The following DYNC2I1 variants were observed in gnomAD, a reference collection of about 807,000 sequenced individuals.
DYNC2I1 encodes the protein dynein 2 intermediate chain 1.
DYNC2I1 carries 89 observed loss-of-function variants against 133.4 expected under a neutral mutation model. That is an observed-to-expected ratio of 0.67 (90% CI 0.56 to 0.80). The LOEUF (loss-of-function observed/expected upper bound fraction) is 0.80. Ranked by LOEUF, DYNC2I1 falls within the 30% of genes least tolerant of loss-of-function variation. The probability of loss-of-function intolerance (pLI) is 0.00; values close to 1 mark genes in which losing one functional copy is unlikely to be tolerated. For missense variants in DYNC2I1, 1,291 were observed against 1,314.5 expected, an observed-to-expected ratio of 0.98 and a Z score of 0.28; for synonymous variants, 504 against 484.3, an observed-to-expected ratio of 1.04 and a Z score of -0.54.
At chr7:158,889,692 A>AAAC (rs149391972) in intron 7 of DYNC2I1, among the ~76,000 whole-genome samples, 102 of 151,992 alleles carry the variant, frequency 6.7e-4, no homozygotes, top group Non-Finnish European at 1.1e-3. Context: ...ATCTATATAA[A>AAAC]AACAACAACA....
intron 12 of DYNC2I1, 46 bp downstream of exon 12, chr7:158,911,725 C>T: frequency 1.3e-6 from 2 of 1,563,948 alleles, no homozygotes; most frequent in Non-Finnish European, 1.7e-6. Context: ...CAAGTAAAGT[C>T]TAGTAGGATA....
Position 158,923,669 on chromosome 7 carries a change from G to A in DYNC2I1, c.2193G>A (p.Arg731=), listed in dbSNP as rs1011573396. The change falls in exon 17 of 25, where the codon AGG becomes AGA. Residue 731 remains arginine (R), a synonymous_variant. Coordinates refer to ENST00000407559, the MANE Select transcript of DYNC2I1 (RefSeq NM_018051.5). ...TCTGGGATTTGAGAGAAGACTCAAG[G>A]CTGCATTACTCTGTGACGCTGAGCG... ...VVVWDLREDS[R]LHYSVTLSDG... is the part of the protein sequence containing the mutation. 6.2e-7 allele frequency: 1 copy of A among 1,613,992 alleles called. No homozygotes were observed. The highest frequency in any genetic ancestry group is 8.5e-7 in the Non-Finnish European group (1 of 1,179,894).
In DYNC2I1 at chr7:158,871,562, G is replaced by T; in HGVS notation, c.490G>T (p.Val164Leu). The T allele has an allele frequency of 1.3e-6, 2 of 1,531,128 alleles. No individual in the cohort carries two copies. Among genetic ancestry groups the T allele is most frequent in the Non-Finnish European group, 1.7e-6 (2 of 1,143,726 alleles). 94.8% of individuals were successfully genotyped at this position (1,531,128 alleles called of 1,614,324 possible). Residue 164 changes from valine (V) to leucine (L), a missense_variant and splice_region_variant, in exon 3 of 25, where the codon GTA becomes TTA. Coordinates refer to ENST00000407559, the MANE Select transcript of DYNC2I1 (RefSeq NM_018051.5). The part of the protein sequence containing the change: ...LERAERKGRS[V>L]SKVRSEEKDE... ...GCGGGCGGAGAGGAAAGGCCGCTCAGGTGGGTCCCCGCTTGCCTTCCTGTG... is the reference window on the plus strand; with the variant it reads ...GCGGGCGGAGAGGAAAGGCCGCTCATGTGGGTCCCCGCTTGCCTTCCTGTG...
intron 14 of DYNC2I1, 102 bp from the exon 15 acceptor site, chr7:158,918,638 C>G: frequency 7.5e-7 from 1 of 1,327,592 alleles, no homozygotes; most frequent in Non-Finnish European, 1.1e-6. Flanking sequence ...TGGATCTAAG[C>G]AGTTATTTGC....
chr7:158,948,462 G>C (rs1851955181), downstream of DYNC2I1, among the ~76,000 whole-genome samples: 1 of 152,352 alleles, frequency 6.6e-6, no homozygotes. Flanking sequence ...CCTCACGTGT[G>C]GTTATTTGTG....
the DYNC2I1 span, among the ~76,000 whole-genome samples, chr7:158,845,176 G>A: frequency 6.6e-6 from 1 of 152,078 alleles, no homozygotes; most frequent in Non-Finnish European, 1.5e-5. Flanking sequence ...TTACAAACCA[G>A]TAAGTTTGTA....
chr7:158,886,727 C>T (rs1343054764), intron 6 of DYNC2I1, among the ~76,000 whole-genome samples: 1 of 152,104 alleles, frequency 6.6e-6, no homozygotes, highest in Non-Finnish European at 1.5e-5. Flanking sequence ...CCTCAGCCTC[C>T]CAAGTAGCTG....
At chr7:158,887,174 G>T in intron 7 of DYNC2I1, 99 bp downstream of exon 7, 1 of 1,195,508 alleles carries the variant, frequency 8.4e-7, no homozygotes, top group South Asian at 1.3e-5. Context: ...GGCCGAGACA[G>T]GGCTCATTTG....
At chr7:158,882,267 A>G (rs934919766) in intron 5 of DYNC2I1, among the ~76,000 whole-genome samples, 1 of 152,120 alleles carries the variant, frequency 6.6e-6, no homozygotes. Context: ...AAGCCATAGG[A>G]TAAAGAACTA....
chr7:158,879,915 G>C lies in DYNC2I1; in HGVS notation c.805G>C (p.Asp269His), dbSNP rs1369574339. Residue 269 changes from aspartate (D) to histidine (H), a missense_variant, in exon 5 of 25, where the codon GAT becomes CAT. Transcript: ENST00000407559. ...ACACAAAGAAGGTTTTCATTTTGAT[G>C]ATGAGAGGCACCAAAGCAACGTGGA... Reference protein sequence around the residue: ...KRHKEGFHFDDERHQSNVDRK... With the variant: ...KRHKEGFHFDHERHQSNVDRK... 3 of 1,612,730 alleles carry C rather than the reference G, an allele frequency of 1.9e-6. No individual in the cohort carries two copies. The highest frequency in any genetic ancestry group is 2.5e-6 in the Non-Finnish European group (3 of 1,179,614).
the DYNC2I1 span, among the ~76,000 whole-genome samples, chr7:158,848,992 A>G: frequency 2.0e-5 from 3 of 152,204 alleles, no homozygotes; most frequent in Non-Finnish European, 4.4e-5. Flanking sequence ...GGCCCACACA[A>G]GTCTTCTGTA....
chr7:158,879,997 T>G lies in DYNC2I1; in HGVS notation c.879+8T>G. On this transcript the variant is annotated splice_region_variant and intron_variant, in intron 5 of 24. Transcript: ENST00000407559. ...AGGAAAAGGGAATCCCAGGTACCCC[T>G]TCTGATGCTTCGTTGCCTTAGCAGC... 1.3e-6 allele frequency: 2 copies of G among 1,575,062 alleles called. No homozygotes were observed. Among genetic ancestry groups the G allele is most frequent in the Non-Finnish European group, 1.7e-6 (2 of 1,165,884 alleles).
chr7:158,906,298 T>A (rs1006490444), intron 11 of DYNC2I1, among the ~76,000 whole-genome samples: 1 of 152,180 alleles, frequency 6.6e-6, no homozygotes, highest in African/African-American at 2.4e-5. Context: ...TGATGTTGGA[T>A]GTTTGTTCTT....
At chr7:158,943,909 C>G (rs993905585) in intron 24 of DYNC2I1, among the ~76,000 whole-genome samples, 2 of 152,160 alleles carry the variant, frequency 1.3e-5, no homozygotes, top group African/African-American at 4.8e-5. Context: ...GAGGCGGCAG[C>G]CCGGCCCACG....
chr7:158,850,055 G>C, the DYNC2I1 span, among the ~76,000 whole-genome samples: 1 of 152,212 alleles, frequency 6.6e-6, no homozygotes, highest in African/African-American at 2.4e-5. Flanking sequence ...ATTGGAGCAG[G>C]CGCTAGGAGC....
At chr7:158,953,629 G>A (rs536646824) in intron 4 of DYNC2I1, among the ~76,000 whole-genome samples, 2 of 152,152 alleles carry the variant, frequency 1.3e-5, no homozygotes, top group Non-Finnish European at 2.9e-5. Context: ...CACACCTCTA[G>A]TCCCAGCTAC....
chr7:158,874,779 T>G (rs1326377216), intron 3 of DYNC2I1, among the ~76,000 whole-genome samples: 1 of 152,220 alleles, frequency 6.6e-6, no homozygotes, highest in Non-Finnish European at 1.5e-5. Context: ...CAGCTGGGCA[T>G]CATCCCTGAA....
At chr7:158,897,530 G>A (rs997209502) in intron 8 of DYNC2I1, among the ~76,000 whole-genome samples, 2 of 152,180 alleles carry the variant, frequency 1.3e-5, no homozygotes, top group African/African-American at 2.4e-5. Flanking sequence ...TATGGGCATA[G>A]AGCTGTTCAT....
At position 158,909,931 on chromosome 7, in the gene DYNC2I1, C is replaced by G. The variant is rs117151124; in HGVS notation, c.1461-1619C>G. 3.0e-3 allele frequency among the ~76,000 whole-genome samples: 460 copies of G among 152,136 alleles called. 2 individuals are homozygous for G. The highest frequency in any genetic ancestry group is 0.027 in the Middle Eastern group (8 of 294). ...CTGTGCTCTAGGAAGCAGGGCAGAC[C>G]TGGAGGAGTGTGAGGTGAAGGATCG... On this transcript the variant is annotated intron_variant, in intron 11 of 24. Transcript: ENST00000407559.
Sources: gnomAD v4.1 joint callset for allele counts (sites outside exome capture counted in the v4.1 genomes callset) on GRCh38, gnomAD v4.1.1 for gene constraint, MANE v1.5 for transcripts, NCBI Gene and HGNC (gene_info 2026-07-23, HGNC 2026-07-21) for gene names.